Variants in AP3B1 observed in about 807,000 individuals in gnomAD.
AP3B1 encodes adaptor related protein complex 3 subunit beta 1.
Under a neutral mutation model 132.5 loss-of-function variants are expected in AP3B1, and 61 were observed. The ratio of observed to expected loss-of-function variants is 0.46; its 90% CI spans 0.37 to 0.57. The LOEUF is 0.57. Ranked by LOEUF, AP3B1 falls within the 20% of genes least tolerant of loss-of-function variation. AP3B1 has a pLI of 0.00. For missense variants in AP3B1, 1,120 were observed against 1,289.4 expected (o/e 0.87, Z 2.01); for synonymous variants, 388 against 438.3 (o/e 0.89, Z 1.43).
chr5:78,097,766 G>A (rs1348352329), intron 21 of AP3B1, among the ~76,000 whole-genome samples: 2 of 152,182 alleles, frequency 1.3e-5, no homozygotes, highest in South Asian at 4.1e-4. Context: ...CCACCACCCC[G>A]TCTGGGAGGT....
At chr5:78,235,169 T>A (rs1746822733) in intron 3 of AP3B1, among the ~76,000 whole-genome samples, 1 of 152,200 alleles carries the variant, frequency 6.6e-6, no homozygotes, top group Non-Finnish European at 1.5e-5. Flanking sequence ...TTTGGTTTTT[T>A]AAAATATTCT....
intron 3 of AP3B1, among the ~76,000 whole-genome samples, chr5:78,237,649 A>T (rs566738506): frequency 6.6e-6 from 1 of 152,230 alleles, no homozygotes; most frequent in Non-Finnish European, 1.5e-5. Context: ...CTCTACTAAA[A>T]ATACGAAAAA....
chr5:78,181,157 C>T (rs969069796), intron 8 of AP3B1, among the ~76,000 whole-genome samples: 2 of 152,000 alleles, frequency 1.3e-5, no homozygotes, highest in Non-Finnish European at 1.5e-5. Flanking sequence ...TATAATCCAA[C>T]CAATTGAGAA....
chr5:78,201,979 C>T (rs1283330766), intron 7 of AP3B1, among the ~76,000 whole-genome samples: 3 of 152,258 alleles, frequency 2.0e-5, no homozygotes, highest in African/African-American at 7.2e-5. Context: ...GTGCCCCCAC[C>T]CAAATCTCAT....
chr5:78,226,229 T>TG (rs1298660548), intron 5 of AP3B1, among the ~76,000 whole-genome samples: 1 of 152,112 alleles, frequency 6.6e-6, no homozygotes, highest in Non-Finnish European at 1.5e-5. Flanking sequence ...AGAGTGAGCA[T>TG]GGATCTTATC....
At chr5:78,103,592 A>G (rs1030401668) in intron 20 of AP3B1, among the ~76,000 whole-genome samples, 4 of 152,166 alleles carry the variant, frequency 2.6e-5, no homozygotes, top group Admixed American at 6.6e-5. Context: ...TTGTTTTTGT[A>G]TATTTTTTTA....
intron 15 of AP3B1, among the ~76,000 whole-genome samples, chr5:78,140,818 C>G (rs1753114111): frequency 6.6e-6 from 1 of 152,208 alleles, no homozygotes. Flanking sequence ...CTCTTACAAG[C>G]CCTTAGTCAA....
chr5:78,118,035 T>G (rs1751938658), intron 17 of AP3B1, among the ~76,000 whole-genome samples: 1 of 152,200 alleles, frequency 6.6e-6, no homozygotes, highest in Admixed American at 6.5e-5. Context: ...TTCTCAGCAC[T>G]GAATGTACAA....
intron 22 of AP3B1, among the ~76,000 whole-genome samples, chr5:78,081,306 T>A (rs1314304339): frequency 3.9e-5 from 5 of 126,612 alleles, no homozygotes; most frequent in African/African-American, 2.1e-4. Context: ...CTTCATTTTT[T>A]TTTTTTTTTT....
At chr5:78,176,548 T>G (rs1323322034) in intron 9 of AP3B1, among the ~76,000 whole-genome samples, 1 of 152,114 alleles carries the variant, frequency 6.6e-6, no homozygotes, top group African/African-American at 2.4e-5. Context: ...AAGCACTCAA[T>G]GAAAAACATT....
At chr5:78,188,168 C>T (rs1744680629) in intron 7 of AP3B1, among the ~76,000 whole-genome samples, 1 of 152,156 alleles carries the variant, frequency 6.6e-6, no homozygotes, top group African/African-American at 2.4e-5. Context: ...AGGACATCAG[C>T]ATGGACAAAG....
chr5:78,199,174 T>C (rs1316852916), intron 7 of AP3B1, among the ~76,000 whole-genome samples: 2 of 152,100 alleles, frequency 1.3e-5, no homozygotes, highest in African/African-American at 4.8e-5. Context: ...CAGTGTTCAA[T>C]TGCCCACAAC....
intron 7 of AP3B1, among the ~76,000 whole-genome samples, chr5:78,193,906 C>A (rs1189233906): frequency 6.6e-6 from 1 of 151,162 alleles, no homozygotes; most frequent in East Asian, 1.9e-4. Flanking sequence ...AGGCACCTGC[C>A]ACCACACCCG....
At chr5:78,249,572 T>TC (rs1747540508) in intron 2 of AP3B1, among the ~76,000 whole-genome samples, 1 of 149,532 alleles carries the variant, frequency 6.7e-6, no homozygotes, top group Non-Finnish European at 1.5e-5. Flanking sequence ...ATGATTTTTT[T>TC]CTTTTTCTTT....
intron 11 of AP3B1, among the ~76,000 whole-genome samples, chr5:78,168,226 C>CTTTTTTTT (rs111663014): frequency 7.8e-6 from 1 of 128,020 alleles, no homozygotes; most frequent in African/African-American, 3.2e-5. Flanking sequence ...TTTCTTTTTT[C>CTTTTTTTT]TTTTTTTTTT....
chr5:78,114,047 T>C, intron 18 of AP3B1, 124 bp from the exon 19 acceptor site: 2 of 1,054,974 alleles, frequency 1.9e-6, no homozygotes, highest in East Asian at 2.6e-5. Flanking sequence ...TGGACACCAC[T>C]TGTTTAACAT....
At chr5:78,278,904 C>A (rs991227900) in intron 1 of AP3B1, among the ~76,000 whole-genome samples, 11 of 152,092 alleles carry the variant, frequency 7.2e-5, no homozygotes, top group Admixed American at 6.6e-4. Flanking sequence ...AATGCCTGAT[C>A]TGAGGTGGAA....
intron 1 of AP3B1, among the ~76,000 whole-genome samples, chr5:78,273,126 C>G (rs2112570330): frequency 6.7e-6 from 1 of 149,914 alleles, no homozygotes; most frequent in East Asian, 2.0e-4. Flanking sequence ...TAGGCCAGGA[C>G]AGTGGCTCAC....
chr5:78,022,712 A>C (rs534059451), intron 24 of AP3B1, among the ~76,000 whole-genome samples: 8 of 152,326 alleles, frequency 5.3e-5, no homozygotes, highest in African/African-American at 1.9e-4. Context: ...TATGTTTTAG[A>C]AACTCCAGTG....
Sources: allele counts gnomAD v4.1 joint callset (sites outside exome capture counted in the v4.1 genomes callset), GRCh38; gene constraint gnomAD v4.1.1; transcripts MANE v1.5; gene names NCBI Gene and HGNC (gene_info 2026-07-23, HGNC 2026-07-21).